The following ARHGEF10L variants were observed in gnomAD, a reference collection of about 807,000 sequenced individuals.
The protein encoded by ARHGEF10L is rho guanine nucleotide exchange factor 10-like protein.
ARHGEF10L carries 69 observed loss-of-function variants against 141.2 expected under a neutral mutation model. The observed-to-expected ratio is 0.49, with a 90% confidence interval of 0.40 to 0.60. The LOEUF is 0.60. Among genes scored for constraint, ARHGEF10L ranks in the 20% least tolerant of loss-of-function variants. The probability of loss-of-function intolerance (pLI) is 0.00; values close to 1 mark genes in which losing one functional copy is unlikely to be tolerated. For missense variants in ARHGEF10L, 1,482 were observed against 1,734.3 expected (o/e 0.85, Z 2.58); for synonymous variants, 711 against 718.5 (o/e 0.99, Z 0.17).
chr1:17,695,129 C>T (rs774885727), intron 27 of ARHGEF10L, 29 bp from the exon 28 acceptor site: 1 of 1,611,540 alleles, frequency 6.2e-7, no homozygotes, highest in South Asian at 1.1e-5. Context: ...CCCAGGAGGG[C>T]ACTGCTCAGC....
the ARHGEF10L span, among the ~76,000 whole-genome samples, chr1:17,513,995 T>G: frequency 6.6e-6 from 1 of 151,984 alleles, no homozygotes; most frequent in South Asian, 2.1e-4. Flanking sequence ...CAGCTAATTT[T>G]GTACTTTTAG....
At chr1:17,524,504 C>T in the ARHGEF10L span, among the ~76,000 whole-genome samples, 4 of 151,212 alleles carry the variant, frequency 2.6e-5, no homozygotes, top group African/African-American at 9.7e-5. Context: ...CCCAGGAGGT[C>T]GAGGCTGCAG....
the ARHGEF10L span, among the ~76,000 whole-genome samples, chr1:17,519,044 G>T: frequency 1.3e-5 from 2 of 151,330 alleles, no homozygotes; most frequent in African/African-American, 2.4e-5. Context: ...GTCGGGTGGC[G>T]CATGCCTGTA....
chr1:17,523,096 T>C, the ARHGEF10L span, among the ~76,000 whole-genome samples: 1 of 149,504 alleles, frequency 6.7e-6, no homozygotes, highest in Non-Finnish European at 1.5e-5. Context: ...TTTTTTTTTT[T>C]TTTTTTTGAG....
rs151157311 is a variant in ARHGEF10L, at chr1:17,573,499, G to A, written c.-43-7054G>A. On this transcript the variant is annotated intron_variant, in intron 1 of 28. Transcript: ENST00000361221. The surrounding 1 kb of genome is among the most constrained non-coding windows in gnomAD (Gnocchi z 4.8). Reference sequence around the variant, plus strand: ...CAGCTGATGGCAGGTGGCTTCCTCCGGCACTTCAGCTTCTTCACTCCTTCT... The same window carrying A: ...CAGCTGATGGCAGGTGGCTTCCTCCAGCACTTCAGCTTCTTCACTCCTTCT... Among the ~76,000 whole-genome samples the A allele has an allele frequency of 2.4e-4, 37 of 152,256 alleles. No homozygotes were observed. Among genetic ancestry groups the A allele is most frequent in the South Asian group, 8.3e-4 (4 of 4,826 alleles).
upstream of ARHGEF10L, among the ~76,000 whole-genome samples, chr1:17,537,971 C>T (rs2076603349): frequency 6.6e-6 from 1 of 151,692 alleles, no homozygotes; most frequent in South Asian, 2.1e-4. Flanking sequence ...CAGCTACTTG[C>T]AGGCTGAGGC....
chr1:17,661,838 C>G (rs982232613), intron 25 of ARHGEF10L, among the ~76,000 whole-genome samples: 1 of 152,234 alleles, frequency 6.6e-6, no homozygotes, highest in African/African-American at 2.4e-5. Context: ...TGGCCGCCTT[C>G]GGGTCACTCG....
chr1:17,520,241 C>T, the ARHGEF10L span, among the ~76,000 whole-genome samples: 1 of 152,192 alleles, frequency 6.6e-6, no homozygotes. Flanking sequence ...CTCCTGTCCT[C>T]CTGCTTACCG....
At chr1:17,522,457 A>G in the ARHGEF10L span, among the ~76,000 whole-genome samples, 1 of 151,920 alleles carries the variant, frequency 6.6e-6, no homozygotes, top group Admixed American at 6.6e-5. Context: ...TAAGTGATGG[A>G]ACAGAGTCAG....
rs1400420958 is a variant in ARHGEF10L at position 17,544,288 on chromosome 1, ATATAAT to A, written c.-44+4339_-44+4344del. 5.0e-4 allele frequency among the ~76,000 whole-genome samples: 74 copies of A among 147,156 alleles called. No homozygotes were observed. The East Asian group carries it at 0.014, about 28-fold the overall frequency. ...TACATATATATGTGTGTATATATATATATAATAATTTTTTTTTTGAGATGGAGTTTT... is the reference window on the plus strand; with the variant it reads ...TACATATATATGTGTGTATATATATAAATTTTTTTTTTGAGATGGAGTTTT... On this transcript the variant is annotated intron_variant, in intron 1 of 28. Transcript: ENST00000361221.
Position 17,637,914 on chromosome 1 carries a change from C to T in ARHGEF10L, c.1954C>T (p.Leu652Phe), listed in dbSNP as rs1027617289. ...QNKVYLGPPR[L>F]FQELQDLQKD... ...TAAGGTGTACCTCGGCCCCCCACGC[C>T]TCTTCCAGGAGCTGCAGGACCTGCA... is the stretch of plus-strand genomic sequence containing the variant. The change falls in exon 19 of 29, where the codon CTC becomes TTC. Residue 652 changes from leucine (L) to phenylalanine (F), a missense_variant. Leu to Phe is a conservative substitution (Grantham distance 22). Around this residue, in one of 3 missense-constraint regions of ARHGEF10L, gnomAD observed 858 missense variants for 966.3 expected, o/e 0.89. Coordinates refer to ENST00000361221, the MANE Select transcript of ARHGEF10L (RefSeq NM_018125.4). The T allele has an allele frequency of 1.3e-6, 2 of 1,597,994 alleles. No homozygotes were observed. Among genetic ancestry groups the T allele is most frequent in the Non-Finnish European group, 1.7e-6 (2 of 1,172,288 alleles).
chr1:17,664,185 C>A (rs941208770), intron 25 of ARHGEF10L, among the ~76,000 whole-genome samples: 3 of 151,428 alleles, frequency 2.0e-5, no homozygotes, highest in Non-Finnish European at 2.9e-5. Context: ...GAGAGAGAGG[C>A]AGGGAAGGGA....
At chr1:17,537,854 C>CAAA (rs10611023), upstream of ARHGEF10L, among the ~76,000 whole-genome samples, 1,108 of 79,272 alleles carry the variant, frequency 0.014, no homozygotes, top group African/African-American at 0.015. Context: ...ACCATCTCTA[C>CAAA]AAAAAAAAAA....
chr1:17,592,797 G>C (rs991520486), intron 4 of ARHGEF10L, among the ~76,000 whole-genome samples: 20 of 149,632 alleles, frequency 1.3e-4, no homozygotes, highest in Non-Finnish European at 2.4e-4. Context: ...CGGAACATTT[G>C]AGCCTCCTGC....
At chr1:17,513,939 C>T in the ARHGEF10L span, among the ~76,000 whole-genome samples, 1 of 151,962 alleles carries the variant, frequency 6.6e-6, no homozygotes, top group African/African-American at 2.4e-5. Context: ...ATTCTCCGGC[C>T]TCAGGCTCCT....
intron 26 of ARHGEF10L, among the ~76,000 whole-genome samples, chr1:17,676,973 G>T (rs965251719): frequency 6.6e-6 from 1 of 151,450 alleles, no homozygotes; most frequent in African/African-American, 2.4e-5. Flanking sequence ...CTCCTCCATC[G>T]CACTCTCTGC....
chr1:17,690,117 G>A (rs540770557), intron 27 of ARHGEF10L, among the ~76,000 whole-genome samples: 26 of 152,296 alleles, frequency 1.7e-4, no homozygotes, highest in Admixed American at 3.9e-4. Context: ...GCAGCCCCAC[G>A]GACTCTCGTT....
chr1:17,690,900 A>T (rs1415454326), intron 27 of ARHGEF10L, among the ~76,000 whole-genome samples: 1 of 152,194 alleles, frequency 6.6e-6, no homozygotes, highest in Admixed American at 6.5e-5. Context: ...TTTATTAGAG[A>T]TATTTTTAAA....
Position 17,656,453 on chromosome 1 carries a change from G to C in ARHGEF10L, c.2706-101G>C, listed in dbSNP as rs1352223344. On this transcript the variant is annotated intron_variant, in intron 24 of 28. Coordinates refer to ENST00000361221, the MANE Select transcript of ARHGEF10L (RefSeq NM_018125.4). The surrounding 1 kb of genome is among the most constrained non-coding windows in gnomAD (Gnocchi z 4.9). ...CACAGCCGAAAGGCGTGGCTGAGAGGGGTCAGCTCCCTGGGGCCCTCTCCC... is the reference window on the plus strand; with the variant it reads ...CACAGCCGAAAGGCGTGGCTGAGAGCGGTCAGCTCCCTGGGGCCCTCTCCC... The C allele has an allele frequency of 2.5e-5, 36 of 1,416,604 alleles. No individual in the cohort carries two copies. Among genetic ancestry groups the C allele is most frequent in the Non-Finnish European group, 3.5e-5 (36 of 1,038,910 alleles). The allele number at this position is 1,416,604 out of a possible 1,614,324, so 87.8% of individuals were successfully genotyped here.
Sources: gnomAD v4.1 joint callset for allele counts (sites outside exome capture counted in the v4.1 genomes callset) on GRCh38, gnomAD v4.1.1 for gene constraint, gnomAD v4.1.1 regional missense constraint, Gnocchi (gnomAD v3.1) non-coding constraint, MANE v1.5 for transcripts, NCBI Gene and HGNC (gene_info 2026-07-23, HGNC 2026-07-21) for gene names.